Variants in HS6ST3 observed in about 807,000 individuals in gnomAD.
The protein encoded by HS6ST3 is heparan sulfate 6-O-sulfotransferase 3.
Under a neutral mutation model 36.7 loss-of-function variants are expected in HS6ST3, and 12 were observed. That is an observed-to-expected ratio of 0.33 (90% CI 0.21 to 0.53). The LOEUF is 0.53. Among genes scored for constraint, HS6ST3 ranks in the 20% least tolerant of loss-of-function variants. The pLI is 0.95. For missense variants in HS6ST3, 584 were observed against 640.9 expected (o/e 0.91, Z 0.96); for synonymous variants, 240 against 257.5 (o/e 0.93, Z 0.65).
At chr13:96,646,219 T>C (rs531447820) in intron 1 of HS6ST3, among the ~76,000 whole-genome samples, 5 of 152,130 alleles carry the variant, frequency 3.3e-5, no homozygotes, top group African/African-American at 1.2e-4. Context: ...ATGCATGTCA[T>C]TGGAATTTGC....
At chr13:96,244,038 A>G (rs1295528256) in intron 1 of HS6ST3, among the ~76,000 whole-genome samples, 2 of 152,142 alleles carry the variant, frequency 1.3e-5, no homozygotes, top group Admixed American at 1.3e-4. Context: ...ATTTGTTCAA[A>G]TTAAAATGAA....
intron 1 of HS6ST3, among the ~76,000 whole-genome samples, chr13:96,278,744 T>C (rs772928554): frequency 3.3e-5 from 5 of 152,210 alleles, no homozygotes; most frequent in Non-Finnish European, 7.3e-5. Flanking sequence ...AAAAAATAAC[T>C]ACAATGATAT....
chr13:96,459,394 A>C (rs2055771385), intron 1 of HS6ST3, among the ~76,000 whole-genome samples: 1 of 152,094 alleles, frequency 6.6e-6, no homozygotes, highest in Non-Finnish European at 1.5e-5. Context: ...CTTGCTTCTC[A>C]TGAGATCATC....
intron 1 of HS6ST3, among the ~76,000 whole-genome samples, chr13:96,155,370 T>G (rs1041483943): frequency 1.3e-5 from 2 of 152,154 alleles, no homozygotes; most frequent in African/African-American, 4.8e-5. Context: ...CTCATTGAGA[T>G]TTACTTTTGG....
At chr13:96,614,297 CAAAA>C (rs67979751) in intron 1 of HS6ST3, among the ~76,000 whole-genome samples, 22 of 43,958 alleles carry the variant, frequency 5.0e-4, no homozygotes, top group African/African-American at 1.0e-3. Context: ...GGATCCATCT[CAAAA>C]AAAAAAAAAA....
intron 1 of HS6ST3, among the ~76,000 whole-genome samples, chr13:96,285,613 G>A (rs1475375125): frequency 2.0e-5 from 3 of 152,136 alleles, no homozygotes; most frequent in Non-Finnish European, 2.9e-5. Context: ...TGATGAATTT[G>A]GTAGGCGTGC....
chr13:96,792,685 A>C (rs1304820699), intron 1 of HS6ST3, among the ~76,000 whole-genome samples: 1 of 151,948 alleles, frequency 6.6e-6, no homozygotes, highest in Non-Finnish European at 1.5e-5. Flanking sequence ...AGGACTATTG[A>C]CCTTGAGGAT....
chr13:96,681,303 A>T (rs1279472225), intron 1 of HS6ST3, among the ~76,000 whole-genome samples: 2 of 152,178 alleles, frequency 1.3e-5, no homozygotes, highest in Non-Finnish European at 2.9e-5. Context: ...ATGGATGTAG[A>T]CTGTTCTTTC....
At chr13:96,214,352 A>ATCTCATCTC (rs1380775437) in intron 1 of HS6ST3, among the ~76,000 whole-genome samples, 1 of 152,042 alleles carries the variant, frequency 6.6e-6, no homozygotes, top group Non-Finnish European at 1.5e-5. Flanking sequence ...AAGAGGTAGA[A>ATCTCATCTC]TCTCATCTCA....
chr13:96,186,641 G>T (rs1381725646), intron 1 of HS6ST3, among the ~76,000 whole-genome samples: 2 of 151,996 alleles, frequency 1.3e-5, no homozygotes, highest in African/African-American at 4.8e-5. Context: ...GTACATCAGG[G>T]TCACCATTTT....
chr13:96,446,569 G>A (rs1364793535), intron 1 of HS6ST3, among the ~76,000 whole-genome samples: 1 of 152,122 alleles, frequency 6.6e-6, no homozygotes, highest in South Asian at 2.1e-4. Flanking sequence ...CAGCACTCCC[G>A]ACAACCTTGA....
intron 1 of HS6ST3, among the ~76,000 whole-genome samples, chr13:96,810,458 T>C (rs886258141): frequency 9.9e-5 from 15 of 152,224 alleles, no homozygotes; most frequent in African/African-American, 3.6e-4. Flanking sequence ...TGAGAACCGC[T>C]GACCTTTACT....
intron 1 of HS6ST3, among the ~76,000 whole-genome samples, chr13:96,150,123 G>C (rs2054078035): frequency 6.6e-6 from 1 of 152,158 alleles, no homozygotes; most frequent in South Asian, 2.1e-4. Context: ...GTGGACACCG[G>C]AGAGTGAGTG....
intron 1 of HS6ST3, among the ~76,000 whole-genome samples, chr13:96,111,993 C>G (rs1219625154): frequency 6.6e-6 from 1 of 152,212 alleles, no homozygotes; most frequent in African/African-American, 2.4e-5. Flanking sequence ...TTAGGATACC[C>G]TAAGTATTCC....
rs142766567 is a variant in HS6ST3 at position 96,382,260 on chromosome 13, C to G, written c.707+290691C>G. 7.9e-4 allele frequency among the ~76,000 whole-genome samples: 121 copies of G among 152,308 alleles called. 3 individuals are homozygous for G. Among genetic ancestry groups the G allele is most frequent in the African/African-American group, 2.8e-3 (118 of 41,568 alleles). ...AAGGAACCACATAATATTGAACCTTCGTTTCAGGTCTTATACCATACTCTT... is the reference window on the plus strand; with the variant it reads ...AAGGAACCACATAATATTGAACCTTGGTTTCAGGTCTTATACCATACTCTT... On this transcript the variant is annotated intron_variant, in intron 1 of 1. Coordinates refer to ENST00000376705, the MANE Select transcript of HS6ST3 (RefSeq NM_153456.4).
At chr13:96,277,383 A>G (rs186285783) in intron 1 of HS6ST3, among the ~76,000 whole-genome samples, 33 of 152,286 alleles carry the variant, frequency 2.2e-4, no homozygotes, top group Admixed American at 1.7e-3. Context: ...CACCACTTCT[A>G]TTATAATGTG....
intron 1 of HS6ST3, among the ~76,000 whole-genome samples, chr13:96,107,214 G>A (rs1566883305): frequency 6.6e-6 from 1 of 152,178 alleles, no homozygotes; most frequent in Non-Finnish European, 1.5e-5. Context: ...AGGAGTAGGA[G>A]TGCTGGAGAG....
chr13:96,388,776 C>T (rs1240229054), intron 1 of HS6ST3, among the ~76,000 whole-genome samples: 1 of 152,030 alleles, frequency 6.6e-6, no homozygotes, highest in African/African-American at 2.4e-5. Context: ...TCTCACTAGA[C>T]CTAATGGTTT....
intron 1 of HS6ST3, among the ~76,000 whole-genome samples, chr13:96,447,275 T>G (rs1464399499): frequency 6.6e-6 from 1 of 152,102 alleles, no homozygotes; most frequent in African/African-American, 2.4e-5. Flanking sequence ...CTTCACCCCC[T>G]CCTCTTCCCC....
Sources: allele counts gnomAD v4.1 joint callset (sites outside exome capture counted in the v4.1 genomes callset), GRCh38; gene constraint gnomAD v4.1.1; transcripts MANE v1.5; gene names NCBI Gene and HGNC (gene_info 2026-07-23, HGNC 2026-07-21).